Variants in TENM1 observed in about 807,000 individuals in gnomAD.
The protein encoded by TENM1 is teneurin-1.
In TENM1, 35 loss-of-function variants were observed where a neutral mutation model predicts 174.8. The ratio of observed to expected loss-of-function variants is 0.20; its 90% CI spans 0.15 to 0.27. The LOEUF is 0.27. TENM1 is among the 10% of genes least tolerant of loss of function. The probability of loss-of-function intolerance (pLI) is 1.00; values close to 1 mark genes in which losing one functional copy is unlikely to be tolerated. For missense variants in TENM1, 1,633 were observed against 2,130.1 expected (o/e 0.77, Z 4.59); for synonymous variants, 781 against 798.7 (o/e 0.98, Z 0.37).
chrX:125,062,810 T>C, the TENM1 span, among the ~76,000 whole-genome samples: 1 of 112,088 alleles, frequency 8.9e-6, no homozygotes, highest in African/African-American at 3.2e-5. Context: ...GGGCACACTC[T>C]GAATATGTCT....
At chrX:124,441,654 TTATG>T (rs1291588446) in intron 23 of TENM1, among the ~76,000 whole-genome samples, 1 of 112,284 alleles carries the variant, frequency 8.9e-6, no homozygotes, top group African/African-American at 3.2e-5. Context: ...TTTAGGATGC[TTATG>T]TTTGGACTCC....
At chrX:125,122,378 T>G in the TENM1 span, among the ~76,000 whole-genome samples, 2 of 111,391 alleles carry the variant, frequency 1.8e-5, no homozygotes, top group African/African-American at 6.5e-5. Context: ...AGTATAGGGC[T>G]AAGACCTAGT....
chrX:125,155,739 C>T, the TENM1 span, among the ~76,000 whole-genome samples: 9,841 of 112,619 alleles, frequency 0.087, 818 homozygotes, highest in Admixed American at 0.27. Context: ...CTTCATTGCC[C>T]GGCCGGCCAC....
chrX:125,022,159 T>C, the TENM1 span, among the ~76,000 whole-genome samples: 254 of 112,278 alleles, frequency 2.3e-3, 1 homozygote, highest in African/African-American at 7.8e-3. Context: ...TCATTTATAC[T>C]AGTCAAATAA....
At chrX:124,928,655 A>T (rs1021193600) in intron 1 of TENM1, among the ~76,000 whole-genome samples, 1 of 112,210 alleles carries the variant, frequency 8.9e-6, no homozygotes, top group African/African-American at 3.2e-5. Flanking sequence ...TGTTTAACAT[A>T]AAAAACAACG....
At chrX:124,514,303 C>CA (rs2047648698) in intron 18 of TENM1, among the ~76,000 whole-genome samples, 1 of 105,937 alleles carries the variant, frequency 9.4e-6, no homozygotes, top group African/African-American at 3.4e-5. Flanking sequence ...AGAAAAAAAG[C>CA]AAAAAACAAA....
In TENM1 at chrX:124,921,195, A is replaced by AC. The variant is rs1434048556; in HGVS notation, c.218-24955dup. ...TACTGTATAAGATGTTTTAGAAATT[A>AC]CCCCCCCAAATTCTCATTATTACAA... On this transcript the variant is annotated intron_variant, in intron 1 of 31. Transcript: ENST00000422452. 3.7e-5 allele frequency among the ~76,000 whole-genome samples: 4 copies of AC among 108,838 alleles called. No individual in the cohort carries two copies. In the Admixed American group the frequency reaches 4.0e-4, roughly 11 times the overall value. 94.5% of individuals were successfully genotyped at this position (108,838 alleles called of 115,157 possible).
chrX:125,143,921 T>A, the TENM1 span, among the ~76,000 whole-genome samples: 40 of 112,063 alleles, frequency 3.6e-4, no homozygotes, highest in Non-Finnish European at 6.8e-4. Context: ...TCCAGAATAA[T>A]TTTGAATCAA....
At chrX:124,724,400 A>G (rs919065873) in intron 4 of TENM1, among the ~76,000 whole-genome samples, 4 of 112,023 alleles carry the variant, frequency 3.6e-5, no homozygotes, top group Non-Finnish European at 5.6e-5. Flanking sequence ...AGGCGTTGTG[A>G]TAAACATATT....
intron 6 of TENM1, among the ~76,000 whole-genome samples, chrX:124,667,862 G>C (rs1212573278): frequency 9.3e-6 from 1 of 107,183 alleles, no homozygotes; most frequent in Non-Finnish European, 1.9e-5. Flanking sequence ...ATGAGAAGCA[G>C]ATATATAATA....
intron 3 of TENM1, among the ~76,000 whole-genome samples, chrX:124,834,238 C>T (rs1174301436): frequency 8.9e-6 from 1 of 111,946 alleles, no homozygotes; most frequent in Non-Finnish European, 1.9e-5. Context: ...GTGGTGCGAT[C>T]TCAGCTCACT....
At chrX:124,524,123 G>A (rs1163746321) in intron 16 of TENM1, among the ~76,000 whole-genome samples, 2 of 110,529 alleles carry the variant, frequency 1.8e-5, no homozygotes, top group African/African-American at 6.6e-5. Flanking sequence ...TGATTCACCC[G>A]CCTTGGCCTC....
At chrX:125,081,960 G>C in the TENM1 span, among the ~76,000 whole-genome samples, 1 of 110,305 alleles carries the variant, frequency 9.1e-6, no homozygotes, top group East Asian at 2.9e-4. Context: ...GAAATACAGA[G>C]GGGAGTAATA....
intron 3 of TENM1, among the ~76,000 whole-genome samples, chrX:124,811,404 A>G (rs140012037): frequency 0.012 from 1,365 of 111,939 alleles, 22 homozygotes; most frequent in African/African-American, 0.041. Context: ...CAACAAGTAT[A>G]TAGCAAGATG....
the TENM1 span, among the ~76,000 whole-genome samples, chrX:124,973,033 T>A: frequency 8.9e-6 from 1 of 112,212 alleles, no homozygotes; most frequent in Non-Finnish European, 1.9e-5. Flanking sequence ...TGTCAATTCA[T>A]GATAGAAGGT....
chrX:124,637,151 A>T (rs1244354470), intron 11 of TENM1, among the ~76,000 whole-genome samples: 3 of 104,074 alleles, frequency 2.9e-5, no homozygotes, highest in Non-Finnish European at 3.9e-5. Context: ...GCGCAGTGGC[A>T]CGATCTCAGC....
At chrX:124,503,839 TCA>T (rs2047385065) in intron 18 of TENM1, 136 bp from the exon 22 acceptor site, 2 of 582,205 alleles carry the variant, frequency 3.4e-6, no homozygotes, top group Admixed American at 6.7e-5. Flanking sequence ...CAAATTTCTT[TCA>T]CCTAGCACAG....
the TENM1 span, among the ~76,000 whole-genome samples, chrX:125,186,560 C>A: frequency 1.9e-5 from 2 of 106,936 alleles, no homozygotes; most frequent in African/African-American, 6.9e-5. Context: ...TCTTAGTTCC[C>A]ATGAGAAATG....
Position 124,858,762 on chromosome X carries a change from C to T in TENM1, c.535+35534G>A, listed in dbSNP as rs191763858. 9.9e-4 allele frequency among the ~76,000 whole-genome samples: 110 copies of T among 110,635 alleles called. 1 individual carries two copies. The highest frequency in any genetic ancestry group is 4.6e-3 in the Middle Eastern group (1 of 219). On this transcript the variant is annotated intron_variant, in intron 3 of 31. Coordinates refer to ENST00000422452, the Ensembl canonical transcript of TENM1. ...CACAAAATGGTAATGATATTTCATA[C>T]GATATCTGAAGCAAAGCAAATTCAA... is the stretch of plus-strand genomic sequence containing the variant.
Sources: gnomAD v4.1 joint callset for allele counts (sites outside exome capture counted in the v4.1 genomes callset) on GRCh38, gnomAD v4.1.1 for gene constraint, MANE v1.5 for transcripts, NCBI Gene and HGNC (gene_info 2026-07-23, HGNC 2026-07-21) for gene names.